The following NDUFA1 variants were observed in gnomAD, a reference collection of about 807,000 sequenced individuals.
The protein encoded by NDUFA1 is NADH:ubiquinone oxidoreductase subunit A1.
For missense variants in NDUFA1, 42 were observed against 56.0 expected, an observed-to-expected ratio of 0.75 and a Z score of 0.80; for synonymous variants, 21 against 20.0, an observed-to-expected ratio of 1.05 and a Z score of -0.14.
In NDUFA1 at chrX:119,871,862, A is replaced by G. The variant is rs1477574405; in HGVS notation, c.-50A>G. The stretch of plus-strand genomic sequence containing the variant: ...CTGGGAAGAGAGGCGAAGCCAGGTC[A>G]CCTTTCAAGGACCCAGAAGTAGGGT... On this transcript the variant is annotated 5_prime_UTR_variant, in exon 1 of 3. Transcript: ENST00000371437. 8.5e-7 allele frequency: 1 copy of G among 1,172,272 alleles called. No homozygotes were observed. Among genetic ancestry groups the G allele is most frequent in the African/African-American group, 1.8e-5 (1 of 56,899 alleles).
chrX:119,872,453 C>A (rs112382931), intron 1 of NDUFA1, among the ~76,000 whole-genome samples: 9,308 of 108,557 alleles, frequency 0.086, 405 homozygotes, highest in Middle Eastern at 0.18. Context: ...CCCCGTCTCT[C>A]CTAAAAATAC....
At position 119,871,939 on chromosome X, in the gene NDUFA1, T is replaced by A; in HGVS notation, c.28T>A (p.Ser10Thr). ...GTGGTTCGAGATTCTCCCCGGACTC[T>A]CCGTCATGGGCGTGTGCTTGTTGAT... MWFEILPGL[S>T]VMGVCLLIPG... is the part of the protein sequence containing the mutation. Residue 10 changes from serine (S) to threonine (T), a missense_variant, in exon 1 of 3, where the codon TCC (serine) becomes ACC (threonine). Coordinates refer to ENST00000371437, the MANE Select transcript of NDUFA1 (RefSeq NM_004541.4). 1 of 1,212,306 alleles carries A rather than the reference T, an allele frequency of 8.2e-7. No homozygotes were observed. Among genetic ancestry groups the A allele is most frequent in the Non-Finnish European group, 1.1e-6 (1 of 895,469 alleles).
chrX:119,872,932 A>G (rs1211188374), intron 1 of NDUFA1, among the ~76,000 whole-genome samples: 1 of 109,699 alleles, frequency 9.1e-6, no homozygotes, highest in Non-Finnish European at 1.9e-5. Flanking sequence ...CCTTCACATC[A>G]TCTCAAGAGT....
chrX:119,873,526 A>G (rs2056424644), intron 2 of NDUFA1, 133 bp downstream of exon 2: 5 of 428,318 alleles, frequency 1.2e-5, no homozygotes, highest in Non-Finnish European at 2.0e-5. Context: ...ATCTTTTTAC[A>G]TATTTAATCT....
At chrX:119,873,245 T>A in intron 1 of NDUFA1, 59 bp from the exon 2 acceptor site, 1 of 894,228 alleles carries the variant, frequency 1.1e-6, no homozygotes, top group Non-Finnish European at 1.6e-6. Flanking sequence ...AATTGTAGTA[T>A]CTATCAATTG....
chrX:119,875,016 TTAAG>T (rs1372086399), intron 2 of NDUFA1, among the ~76,000 whole-genome samples: 1 of 112,044 alleles, frequency 8.9e-6, no homozygotes, highest in Non-Finnish European at 1.9e-5. Context: ...GTCAGAGTGA[TTAAG>T]TAATATTATA....
Position 119,872,342 on chromosome X carries a change from G to A in NDUFA1, c.102+329G>A, listed in dbSNP as rs780662542. Among the ~76,000 whole-genome samples the A allele has an allele frequency of 4.5e-5, 5 of 111,243 alleles. No homozygotes were observed. The East Asian group carries it at 1.4e-3, about 32-fold the overall frequency. On this transcript the variant is annotated intron_variant, in intron 1 of 2. Transcript: ENST00000371437. ...GGGTTCAAGAGATTCTCCTGGTTGGGCGCGGTGGATCACGCCTGTAATCCC... is the reference window on the plus strand; with the variant it reads ...GGGTTCAAGAGATTCTCCTGGTTGGACGCGGTGGATCACGCCTGTAATCCC...
chrX:119,872,155 G>A (rs971442764), intron 1 of NDUFA1, 142 bp downstream of exon 1: 1 of 572,432 alleles, frequency 1.7e-6, no homozygotes, highest in Non-Finnish European at 2.9e-6. Context: ...CGAGGCTTGC[G>A]AAACGAAGCC....
At chrX:119,875,994 C>T (rs1234348936) in intron 2 of NDUFA1, among the ~76,000 whole-genome samples, 2 of 110,449 alleles carry the variant, frequency 1.8e-5, no homozygotes, top group Non-Finnish European at 3.8e-5. Context: ...CCCCTGAGGT[C>T]GGGAGTTCTA....
At chrX:119,873,263 C>A in intron 1 of NDUFA1, 41 bp from the exon 2 acceptor site, 6 of 1,064,900 alleles carry the variant, frequency 5.6e-6, no homozygotes, top group Non-Finnish European at 7.9e-6. Context: ...TTGGGTCACT[C>A]ACTTTTATAA....
intron 2 of NDUFA1, 110 bp downstream of exon 2, chrX:119,873,503 T>C: frequency 1.8e-6 from 1 of 542,738 alleles, no homozygotes; most frequent in Non-Finnish European, 3.2e-6. Flanking sequence ...TCTTATCTAC[T>C]AGTGAGGTTG....
chrX:119,872,791 A>G (rs1603374888), intron 1 of NDUFA1, among the ~76,000 whole-genome samples: 2 of 102,228 alleles, frequency 2.0e-5, no homozygotes, highest in African/African-American at 7.3e-5. Context: ...AAGTGCTGGG[A>G]TTACAGGCGT....
chrX:119,873,704 C>T (rs1258435494), intron 2 of NDUFA1, among the ~76,000 whole-genome samples: 2 of 109,819 alleles, frequency 1.8e-5, no homozygotes, highest in African/African-American at 3.3e-5. Flanking sequence ...GACATTTTTC[C>T]CAGTCTGCTG....
At chrX:119,874,385 G>A (rs1213809411) in intron 2 of NDUFA1, among the ~76,000 whole-genome samples, 2 of 109,886 alleles carry the variant, frequency 1.8e-5, no homozygotes, top group East Asian at 5.6e-4. Flanking sequence ...TTTCACGGAT[G>A]TGCTTTTCTA....
intron 2 of NDUFA1, among the ~76,000 whole-genome samples, chrX:119,875,430 T>G (rs780706069): frequency 6.9e-5 from 7 of 101,721 alleles, no homozygotes; most frequent in African/African-American, 2.5e-4. Context: ...GTTCAAGCAA[T>G]TCTCCTGCCT....
chrX:119,872,537 A>G (rs2056418251), intron 1 of NDUFA1, among the ~76,000 whole-genome samples: 2 of 110,360 alleles, frequency 1.8e-5, no homozygotes, highest in Middle Eastern at 4.6e-3. Flanking sequence ...GAATCACTTG[A>G]ACCCAGGAGG....
intron 2 of NDUFA1, 72 bp downstream of exon 2, chrX:119,873,465 A>AT: frequency 1.2e-6 from 1 of 808,100 alleles, no homozygotes; most frequent in Non-Finnish European, 1.9e-6. Context: ...GCCAAGGGTC[A>AT]TACAGTGCTA....
intron 1 of NDUFA1, among the ~76,000 whole-genome samples, chrX:119,872,821 C>T (rs1422064501): frequency 9.2e-6 from 1 of 108,565 alleles, no homozygotes; most frequent in Non-Finnish European, 1.9e-5. Context: ...CGACCGGCCA[C>T]CCTTGACTTT....
In NDUFA1 at chrX:119,871,929, C is replaced by T; in HGVS notation, c.18C>T (p.Leu6=). ...GGGCAGAGATGTGGTTCGAGATTCT[C>T]CCCGGACTCTCCGTCATGGGCGTGT... The part of the protein sequence containing the change: MWFEI[L]PGLSVMGVCL... The change falls in exon 1 of 3, where the codon CTC becomes CTT. Residue 6 remains leucine, a synonymous_variant. Coordinates refer to ENST00000371437, the MANE Select transcript of NDUFA1 (RefSeq NM_004541.4). 1.7e-6 allele frequency: 2 copies of T among 1,211,976 alleles called. No individual in the cohort carries two copies. Among genetic ancestry groups the T allele is most frequent in the Non-Finnish European group, 2.2e-6 (2 of 895,170 alleles).
Sources: gnomAD v4.1 joint callset for allele counts (sites outside exome capture counted in the v4.1 genomes callset) on GRCh38, gnomAD v4.1.1 for gene constraint, MANE v1.5 for transcripts, NCBI Gene and HGNC (gene_info 2026-07-23, HGNC 2026-07-21) for gene names.